NHS: variants seen among roughly 807,000 people sequenced by gnomAD.
The protein encoded by NHS is NHS actin remodeling regulator, also known as actin remodeling regulator NHS.
Under a neutral mutation model 72.5 loss-of-function variants are expected in NHS, and 5 were observed. That is an observed-to-expected ratio of 0.07 (90% CI 0.04 to 0.14). The LOEUF is 0.14. NHS is among the 10% of genes least tolerant of loss of function. NHS has a pLI of 1.00. For synonymous variants in NHS, 464 were observed against 547.7 expected (o/e 0.85, Z 2.13); for missense variants, 1,072 against 1,355.7 (o/e 0.79, Z 3.29).
At chrX:17,529,192 A>C (rs1364983178) in intron 1 of NHS, among the ~76,000 whole-genome samples, 3 of 111,275 alleles carry the variant, frequency 2.7e-5, no homozygotes, top group Non-Finnish European at 5.6e-5. Flanking sequence ...GCTGCTCTAA[A>C]TTTCACATTA....
At chrX:17,548,720 A>C (rs2065307804) in intron 1 of NHS, among the ~76,000 whole-genome samples, 1 of 111,763 alleles carries the variant, frequency 8.9e-6, no homozygotes, top group Non-Finnish European at 1.9e-5. Flanking sequence ...CACCACATAC[A>C]TGCATGATCT....
intron 1 of NHS, among the ~76,000 whole-genome samples, chrX:17,476,038 T>A (rs1357386927): frequency 1.8e-5 from 2 of 110,932 alleles, no homozygotes; most frequent in East Asian, 2.9e-4. Context: ...CTAGGGAGGA[T>A]GGGGGTGGGT....
At chrX:17,536,979 T>C (rs1755613650) in intron 1 of NHS, among the ~76,000 whole-genome samples, 1 of 112,305 alleles carries the variant, frequency 8.9e-6, no homozygotes, top group Non-Finnish European at 1.9e-5. Flanking sequence ...TTCTATAAAG[T>C]GATTGAACTG....
At chrX:17,442,339 A>G (rs766449064) in intron 1 of NHS, among the ~76,000 whole-genome samples, 8 of 112,278 alleles carry the variant, frequency 7.1e-5, no homozygotes, top group African/African-American at 2.6e-4. Flanking sequence ...CCCAGTGCCA[A>G]AGAGCCCTGA....
intron 8 of NHS, 93 bp downstream of exon 8, chrX:17,728,868 T>C: frequency 2.7e-6 from 3 of 1,094,233 alleles, no homozygotes. Flanking sequence ...ACAGGAAAGC[T>C]TTTTGTAATT....
rs185924412 is a variant in NHS at position 17,455,779 on chromosome X, T to A, written c.565+79457T>A. ...TCTCCTCACTTTCCATCCCAAATATTATTAAACCCTGTTGTCCTGTTCTTG... is the reference window on the plus strand; with the variant it reads ...TCTCCTCACTTTCCATCCCAAATATAATTAAACCCTGTTGTCCTGTTCTTG... On this transcript the variant is annotated intron_variant, in intron 1 of 8. Coordinates refer to ENST00000676302, the MANE Select transcript of NHS (RefSeq NM_001291867.2). 3.6e-5 allele frequency among the ~76,000 whole-genome samples: 4 copies of A among 112,085 alleles called. No individual in the cohort carries two copies. The East Asian group carries it at 1.1e-3, about 32-fold the overall frequency.
chrX:17,382,151 G>A (rs966401930), intron 1 of NHS, among the ~76,000 whole-genome samples: 2 of 111,644 alleles, frequency 1.8e-5, no homozygotes, highest in African/African-American at 3.3e-5. Flanking sequence ...AGGGGTACAT[G>A]TGCGGGCTTG....
chrX:17,507,619 A>G (rs1011164597), intron 1 of NHS, among the ~76,000 whole-genome samples: 1 of 111,898 alleles, frequency 8.9e-6, no homozygotes, highest in African/African-American at 3.3e-5. Flanking sequence ...TCAGTTACAG[A>G]TGGGGATTTT....
At chrX:17,697,551 T>G (rs2066238643) in intron 3 of NHS, among the ~76,000 whole-genome samples, 1 of 112,057 alleles carries the variant, frequency 8.9e-6, no homozygotes, top group Non-Finnish European at 1.9e-5. Flanking sequence ...TTTGCACCCA[T>G]GAGTCCTTTA....
At chrX:17,616,960 C>T (rs1486291390) in intron 1 of NHS, among the ~76,000 whole-genome samples, 1 of 111,850 alleles carries the variant, frequency 8.9e-6, no homozygotes, top group Non-Finnish European at 1.9e-5. Context: ...ATTCCTCTGT[C>T]CTCGTAATTT....
At chrX:17,699,408 A>G (rs1471562290) in intron 3 of NHS, among the ~76,000 whole-genome samples, 1 of 112,178 alleles carries the variant, frequency 8.9e-6, no homozygotes, top group Non-Finnish European at 1.9e-5. Context: ...GAGTATATAT[A>G]AAAACATTCA....
intron 3 of NHS, among the ~76,000 whole-genome samples, chrX:17,703,639 A>C (rs1370792242): frequency 1.8e-5 from 2 of 112,492 alleles, no homozygotes; most frequent in African/African-American, 6.5e-5. Flanking sequence ...GCTACAATAC[A>C]TTTGATGCTT....
intron 1 of NHS, among the ~76,000 whole-genome samples, chrX:17,580,886 CTGAT>C (rs1209938714): frequency 8.9e-6 from 1 of 112,545 alleles, no homozygotes; most frequent in African/African-American, 3.2e-5. Flanking sequence ...CGGGAACTCT[CTGAT>C]TGAAGTCCAG....
At chrX:17,389,110 G>C (rs1162064869) in intron 1 of NHS, among the ~76,000 whole-genome samples, 1 of 111,744 alleles carries the variant, frequency 8.9e-6, no homozygotes, top group Non-Finnish European at 1.9e-5. Flanking sequence ...TTTAAAAAGT[G>C]TCCTAACTAA....
chrX:17,614,287 A>C (rs1444522841), intron 1 of NHS, among the ~76,000 whole-genome samples: 1 of 112,556 alleles, frequency 8.9e-6, no homozygotes, highest in Non-Finnish European at 1.9e-5. Flanking sequence ...GCAAGGCTCA[A>C]CCATAAATGC....
chrX:17,402,150 C>T (rs1239617559), intron 1 of NHS, among the ~76,000 whole-genome samples: 1 of 111,194 alleles, frequency 9.0e-6, no homozygotes, highest in Non-Finnish European at 1.9e-5. Context: ...ATCATCATAC[C>T]CATTGGGAAG....
chrX:17,728,477 G>C (rs2066465740), intron 7 of NHS, 149 bp downstream of exon 7: 2 of 880,524 alleles, frequency 2.3e-6, no homozygotes, highest in Non-Finnish European at 1.6e-6. Flanking sequence ...TGAGATAAAA[G>C]CTTTTGTTAC....
At position 17,727,503 on chromosome X, in the gene NHS, A is replaced by G. The variant is rs773726473; in HGVS notation, c.3397A>G (p.Ile1133Val). Residue 1133 changes from isoleucine (I) to valine (V), a missense_variant, in exon 7 of 9, where the codon ATT (isoleucine) becomes GTT (valine). By Grantham distance (29) the Ile-to-Val change is conservative. Transcript: ENST00000676302. ...GTCGAATCCTCCACCGTCCCTTGCA[A>G]TTACACCAACGATCCTGAAATCTGT... ...LRSNPPPSLA[I>V]TPTILKSVNL... The G allele has an allele frequency of 1.2e-5, 14 of 1,209,932 alleles. No individual in the cohort carries two copies. The highest frequency in any genetic ancestry group is 2.2e-5 in the Admixed American group (1 of 45,755).
At chrX:17,546,121 C>T (rs1158996473) in intron 1 of NHS, among the ~76,000 whole-genome samples, 1 of 111,832 alleles carries the variant, frequency 8.9e-6, no homozygotes, top group Admixed American at 9.5e-5. Flanking sequence ...GCTGGTGTCT[C>T]AGAGGGGGTA....
Sources: allele counts gnomAD v4.1 joint callset (sites outside exome capture counted in the v4.1 genomes callset), GRCh38; gene constraint gnomAD v4.1.1; transcripts MANE v1.5; gene names NCBI Gene and HGNC (gene_info 2026-07-23, HGNC 2026-07-21).